HDGFL3: variants seen among roughly 807,000 people sequenced by gnomAD.
HDGFL3 encodes HDGF like 3, also known as hepatoma-derived growth factor-related protein 3.
Under a neutral mutation model 27.6 loss-of-function variants are expected in HDGFL3, and 6 were observed. The observed-to-expected ratio is 0.22, with a 90% CI of 0.12 to 0.43. The LOEUF is 0.43. HDGFL3 is among the 20% of genes least tolerant of loss of function. HDGFL3 has a pLI of 1.00. For synonymous variants in HDGFL3, 88 were observed against 88.9 expected, an observed-to-expected ratio of 0.99 and a Z score of 0.05; for missense variants, 207 against 250.1, an observed-to-expected ratio of 0.83 and a Z score of 1.16.
At chr15:83,116,607 T>C (rs539206732) in intron 3 of HDGFL3, among the ~76,000 whole-genome samples, 1 of 152,238 alleles carries the variant, frequency 6.6e-6, no homozygotes, top group South Asian at 2.1e-4. Flanking sequence ...AGATTTTAAG[T>C]CAGTGAAGAA....
chr15:83,182,885 A>T (rs1399066378), intron 1 of HDGFL3, among the ~76,000 whole-genome samples: 1 of 152,212 alleles, frequency 6.6e-6, no homozygotes, highest in African/African-American at 2.4e-5. Context: ...ATGAACAGAG[A>T]TTGTTAGATG....
chr15:83,207,231 T>C lies in HDGFL3; in HGVS notation c.84+100A>G. On this transcript the variant is annotated intron_variant, in intron 1 of 5. Coordinates refer to ENST00000299633, the MANE Select transcript of HDGFL3 (RefSeq NM_016073.4). This position sits in a 1 kb window ranked among gnomAD's most constrained non-coding sequence, Gnocchi z 4.8. ...GCCCTCACCACAGCCGGCCGCGAGC[T>C]GCGGGCTCGGGGCTGAGGCGATGGG... The C allele has an allele frequency of 1.2e-6, 1 of 821,268 alleles. No individual in the cohort carries two copies. Among genetic ancestry groups the C allele is most frequent in the Non-Finnish European group, 1.7e-6 (1 of 603,840 alleles). 50.9% of individuals were successfully genotyped at this position (821,268 alleles called of 1,614,324 possible). A position where few individuals can be genotyped will look rare whatever the true frequency, so the allele number is the denominator to read the frequency against.
intron 1 of HDGFL3, among the ~76,000 whole-genome samples, chr15:83,197,803 C>T (rs182536403): frequency 9.3e-4 from 142 of 152,148 alleles, no homozygotes; most frequent in Non-Finnish European, 1.2e-3. Context: ...CGGTGGCTCA[C>T]GCCTGTAATC....
At position 83,136,733 on chromosome 15, in the gene HDGFL3, T is replaced by C. The variant is rs1354354551; in HGVS notation, c.*2537A>G. On this transcript the variant is annotated 3_prime_UTR_variant, in exon 6 of 6. Transcript: ENST00000299633. Reference sequence around the variant, plus strand: ...AACTTTTGTTATACTGGTACTGATATTTTGTCCCATTTCACTCTCTTCTCA... The same window carrying C: ...AACTTTTGTTATACTGGTACTGATACTTTGTCCCATTTCACTCTCTTCTCA... 7.1e-7 allele frequency: 1 copy of C among 1,400,342 alleles called. No homozygotes were observed. The highest frequency in any genetic ancestry group is 2.1e-5 in the Admixed American group (1 of 46,576). The allele number at this position is 1,400,342 out of a possible 1,614,324, so 86.7% of individuals were successfully genotyped here. A position where few individuals can be genotyped will look rare whatever the true frequency, so the allele number is the denominator to read the frequency against.
intron 4 of HDGFL3, among the ~76,000 whole-genome samples, chr15:83,155,074 A>G (rs569822659): frequency 6.6e-6 from 1 of 152,148 alleles, no homozygotes; most frequent in Non-Finnish European, 1.5e-5. Flanking sequence ...TATGTTGCCC[A>G]GGCTGGTCTC....
chr15:83,122,675 C>A, intron 3 of HDGFL3: 1 of 1,507,764 alleles, frequency 6.6e-7, no homozygotes, highest in Non-Finnish European at 9.0e-7. Context: ...TTTTAGATGA[C>A]CTGAGATGGG....
chr15:83,207,057 T>C lies in HDGFL3; in HGVS notation c.84+274A>G, dbSNP rs529825426. Among the ~76,000 whole-genome samples, 2 of 152,290 alleles carry C rather than the reference T, an allele frequency of 1.3e-5. No individual in the cohort carries two copies. Among genetic ancestry groups the C allele is most frequent in the East Asian group, 3.9e-4 (2 of 5,154 alleles). The stretch of plus-strand genomic sequence containing the variant: ...GCGTGGCTTCCCGGTCGGCACCGGC[T>C]TTCCAGGAGGAAGGCAGCGTCGGGC... On this transcript the variant is annotated intron_variant, in intron 1 of 5. Transcript: ENST00000299633. This position sits in a 1 kb window ranked among gnomAD's most constrained non-coding sequence, Gnocchi z 4.8.
In HDGFL3 at chr15:83,205,193, C is replaced by T. The variant is rs370629059; in HGVS notation, c.84+2138G>A. ...ACCTAGGTGTAAGATGGGAATAATG[C>T]CTCATAGAATTGGGATGAAAAAAAT... On this transcript the variant is annotated intron_variant, in intron 1 of 5. Coordinates refer to ENST00000299633, the MANE Select transcript of HDGFL3 (RefSeq NM_016073.4). 5.3e-5 allele frequency among the ~76,000 whole-genome samples: 8 copies of T among 152,176 alleles called. No individual in the cohort carries two copies. The East Asian group carries it at 1.2e-3, about 22-fold the overall frequency.
intron 1 of HDGFL3, among the ~76,000 whole-genome samples, chr15:83,195,653 T>G (rs985087215): frequency 2.0e-5 from 3 of 152,102 alleles, no homozygotes; most frequent in Non-Finnish European, 2.9e-5. Context: ...ATTCACGTAG[T>G]TCTACCTTCA....
intron 1 of HDGFL3, among the ~76,000 whole-genome samples, chr15:83,203,763 T>C (rs749722524): frequency 1.3e-5 from 2 of 151,676 alleles, no homozygotes; most frequent in Admixed American, 6.6e-5. Flanking sequence ...TTAAAACATA[T>C]TGTTTTCATC....
intron 5 of HDGFL3, chr15:83,144,410 C>T (rs2036849601): frequency 2.2e-6 from 1 of 456,038 alleles, no homozygotes; most frequent in Admixed American, 2.3e-5. Context: ...TTGTAATAAA[C>T]AGAATGAAGC....
chr15:83,167,158 G>C (rs186205551), intron 1 of HDGFL3, among the ~76,000 whole-genome samples: 228 of 152,240 alleles, frequency 1.5e-3, no homozygotes, highest in Non-Finnish European at 2.5e-3. Flanking sequence ...CCATAAGCTC[G>C]AACTAAAGGT....
In HDGFL3 at chr15:83,131,994, A is replaced by G. The variant is rs980328491; in HGVS notation, c.*7276T>C. On this transcript the variant is annotated 3_prime_UTR_variant, in exon 6 of 6. Transcript: ENST00000299633. ...GCCAGTAGAGTTCATATAGTTAGGA[A>G]CATAAGCTCTGGAGGTGAACTGGTT... 2 of 152,226 alleles carry G rather than the reference A, an allele frequency of 1.3e-5. No individual in the cohort carries two copies. The highest frequency in any genetic ancestry group is 2.9e-5 in the Non-Finnish European group (2 of 68,036). The allele number at this position is 152,226 out of a possible 1,614,324, so 9.4% of individuals were successfully genotyped here.
intron 1 of HDGFL3, chr15:83,185,844 G>A (rs921504153): frequency 6.6e-6 from 1 of 152,272 alleles, no homozygotes; most frequent in African/African-American, 2.4e-5. Flanking sequence ...TGGCAAAGGG[G>A]ATTGGATGCC....
At chr15:83,124,678 C>T, downstream of HDGFL3, 13 of 1,613,744 alleles carry the variant, frequency 8.1e-6, no homozygotes, top group Non-Finnish European at 1.1e-5. Context: ...TTAGGTTATT[C>T]AAGAAGCCCA....
exon 4 of HDGFL3, chr15:83,113,869 T>C (rs1354413423): frequency 6.6e-6 from 1 of 152,228 alleles, no homozygotes; most frequent in African/African-American, 2.4e-5. Context: ...AGATGAGGCA[T>C]AGGGCCAAGC....
chr15:83,124,692 G>A (rs144140472), downstream of HDGFL3: 13 of 1,613,998 alleles, frequency 8.1e-6, no homozygotes, highest in African/African-American at 2.7e-5. Context: ...AAGCCCAAGC[G>A]AAAGACCTGC....
chr15:83,113,183 G>A (rs868309440), exon 4 of HDGFL3: 26 of 492,928 alleles, frequency 5.3e-5, no homozygotes, highest in African/African-American at 3.3e-4. Flanking sequence ...CTCTGACCTC[G>A]ACTCTCATGC....
downstream of HDGFL3, among the ~76,000 whole-genome samples, chr15:83,123,230 TC>T (rs1157575254): frequency 2.0e-5 from 3 of 152,128 alleles, no homozygotes. Flanking sequence ...ACACCTGGGT[TC>T]CTCTGTGACA....
Sources: allele counts gnomAD v4.1 joint callset (sites outside exome capture counted in the v4.1 genomes callset), GRCh38; gene constraint gnomAD v4.1.1; non-coding constraint Gnocchi (gnomAD v3.1); transcripts MANE v1.5; gene names NCBI Gene and HGNC (gene_info 2026-07-23, HGNC 2026-07-21).